The following DNAH5 variants were observed in gnomAD, a reference collection of about 807,000 sequenced individuals.
DNAH5 encodes the protein axonemal beta dynein heavy chain 5.
In DNAH5, 372 loss-of-function variants were observed where a neutral mutation model predicts 518.2. That is an observed-to-expected ratio of 0.72 (90% CI 0.66 to 0.78). The LOEUF (loss-of-function observed/expected upper bound fraction) is 0.78. DNAH5 is among the 30% of genes least tolerant of loss of function. DNAH5 has a pLI of 0.00. For missense variants in DNAH5, 5,523 were observed against 5,687.0 expected (o/e 0.97, Z 0.93); for synonymous variants, 2,039 against 2,025.9 (o/e 1.01, Z -0.17).
chr5:13,964,994 C>T (rs1429804152), intron 1 of DNAH5, among the ~76,000 whole-genome samples: 1 of 152,156 alleles, frequency 6.6e-6, no homozygotes, highest in African/African-American at 2.4e-5. Context: ...ATCCCTCCAC[C>T]TCGTCCACTG....
Position 13,774,473 on chromosome 5 carries a change from G to A in DNAH5, c.9373+1966C>T, listed in dbSNP as rs114318321. Among the ~76,000 whole-genome samples the A allele has an allele frequency of 2.3e-3, 353 of 152,166 alleles. 2 individuals are homozygous for A. The highest frequency in any genetic ancestry group is 3.9e-3 in the Non-Finnish European group (268 of 67,982). On this transcript the variant is annotated intron_variant, in intron 55 of 78. Coordinates refer to ENST00000265104, the MANE Select transcript of DNAH5 (RefSeq NM_001369.3). ...TTCAAGCCAGGAGACAGACTAGACC[G>A]GAGAAAAAATTGATGGCACGTATTA...
intron 56 of DNAH5, 52 bp downstream of exon 56, chr5:13,770,696 CT>C (rs772364807): frequency 4.5e-5 from 69 of 1,536,344 alleles, no homozygotes; most frequent in Non-Finnish European, 6.1e-5. Flanking sequence ...AAATCTGTCC[CT>C]GGTTGAGAGC....
At chr5:13,761,592 CA>C (rs34662456) in intron 60 of DNAH5, among the ~76,000 whole-genome samples, 44 of 135,088 alleles carry the variant, frequency 3.3e-4, no homozygotes, top group Admixed American at 4.5e-4. Context: ...GACTCCGTCT[CA>C]AAAAAAAAAA....
chr5:13,974,773 T>A (rs1484701036), intron 1 of DNAH5, among the ~76,000 whole-genome samples: 1 of 152,146 alleles, frequency 6.6e-6, no homozygotes, highest in East Asian at 1.9e-4. Context: ...CAGGCCTCAA[T>A]GAGCATCTTT....
intron 1 of DNAH5, among the ~76,000 whole-genome samples, chr5:13,965,334 T>C (rs925958639): frequency 6.6e-6 from 1 of 152,202 alleles, no homozygotes; most frequent in Non-Finnish European, 1.5e-5. Context: ...AATTATTGCA[T>C]GTAAACTGAG....
intron 1 of DNAH5, among the ~76,000 whole-genome samples, chr5:13,979,075 C>G (rs1782484606): frequency 6.6e-6 from 1 of 152,110 alleles, no homozygotes; most frequent in Non-Finnish European, 1.5e-5. Context: ...GTTCCTTCCC[C>G]CTGCTGGTCT....
chr5:13,835,896 C>T (rs1410781079), intron 35 of DNAH5, among the ~76,000 whole-genome samples: 1 of 152,130 alleles, frequency 6.6e-6, no homozygotes, highest in Non-Finnish European at 1.5e-5. Flanking sequence ...TTCCTCCAGT[C>T]ATCGGAGCCA....
At chr5:13,898,498 C>T (rs946926787) in intron 15 of DNAH5, 11 of 398,400 alleles carry the variant, frequency 2.8e-5, no homozygotes, top group Non-Finnish European at 4.9e-5. Flanking sequence ...ATTGCCAATA[C>T]AACTTTTTAA....
chr5:13,932,703 A>C (rs1778537692), intron 1 of DNAH5, among the ~76,000 whole-genome samples: 1 of 152,216 alleles, frequency 6.6e-6, no homozygotes, highest in African/African-American at 2.4e-5. Flanking sequence ...TTCTGGCAGC[A>C]GTGTGGAAAG....
At chr5:13,824,163 C>T (rs938950167) in intron 39 of DNAH5, 36 bp downstream of exon 39, 5 of 1,608,784 alleles carry the variant, frequency 3.1e-6, no homozygotes, top group Admixed American at 3.3e-5. Flanking sequence ...TAACTGATAT[C>T]CAAGTAGGTG....
chr5:13,937,056 T>C (rs1261062908), intron 1 of DNAH5, among the ~76,000 whole-genome samples: 1 of 151,830 alleles, frequency 6.6e-6, no homozygotes, highest in Non-Finnish European at 1.5e-5. Flanking sequence ...CGTTATTATC[T>C]CCACACCAGG....
chr5:13,690,674 C>A lies in DNAH5; in HGVS notation c.*1310G>T, dbSNP rs1212861886. ...GAGCTAACCAAAAGTTTATAAACCACAATTCTAATTTAGTACTGACTATAT... is the reference window on the plus strand; with the variant it reads ...GAGCTAACCAAAAGTTTATAAACCAAAATTCTAATTTAGTACTGACTATAT... On this transcript the variant is annotated 3_prime_UTR_variant, in exon 79 of 79. Transcript: ENST00000265104. The A allele has an allele frequency of 1.3e-5, 2 of 152,136 alleles. No homozygotes were observed. The highest frequency in any genetic ancestry group is 2.9e-5 in the Non-Finnish European group (2 of 68,032). 9.4% of individuals were successfully genotyped at this position (152,136 alleles called of 1,614,324 possible).
At position 13,734,413 on chromosome 5, in the gene DNAH5, T is replaced by C. The variant is rs559206591; in HGVS notation, c.11761+718A>G. ...ATTCAAGAATGTGATAGTGAATTTA[T>C]GTTTTCCAGCCTTCCGCTGGGCTGT... On this transcript the variant is annotated intron_variant, in intron 68 of 78. Coordinates refer to ENST00000265104, the MANE Select transcript of DNAH5 (RefSeq NM_001369.3). 4.6e-5 allele frequency among the ~76,000 whole-genome samples: 7 copies of C among 151,714 alleles called. No individual in the cohort carries two copies. In the East Asian group the frequency reaches 7.7e-4, roughly 17 times the overall value.
chr5:13,798,689 A>C (rs1758213037), intron 47 of DNAH5, among the ~76,000 whole-genome samples: 1 of 151,880 alleles, frequency 6.6e-6, no homozygotes, highest in Admixed American at 6.6e-5. Flanking sequence ...ACTGTCCTTG[A>C]GAATCTTCAC....
At chr5:13,879,308 C>T (rs545696417) in intron 21 of DNAH5, among the ~76,000 whole-genome samples, 2 of 152,296 alleles carry the variant, frequency 1.3e-5, no homozygotes, top group South Asian at 4.1e-4. Context: ...TGCTCCTTGA[C>T]CTATGATGAA....
intron 11 of DNAH5, among the ~76,000 whole-genome samples, chr5:13,911,716 T>C (rs1776019639): frequency 6.6e-6 from 1 of 152,196 alleles, no homozygotes; most frequent in East Asian, 1.9e-4. Flanking sequence ...ATTTTCATGA[T>C]GTTTTATGTA....
intron 78 of DNAH5, among the ~76,000 whole-genome samples, chr5:13,700,373 T>C (rs1354411034): frequency 6.6e-6 from 1 of 152,196 alleles, no homozygotes; most frequent in Non-Finnish European, 1.5e-5. Context: ...CTTTCTTATC[T>C]CATCAGCTAA....
At chr5:13,798,543 T>C (rs1758189620) in intron 47 of DNAH5, among the ~76,000 whole-genome samples, 1 of 152,106 alleles carries the variant, frequency 6.6e-6, no homozygotes, top group African/African-American at 2.4e-5. Flanking sequence ...AAAGATAAAA[T>C]AAATTCTCCT....
intron 1 of DNAH5, among the ~76,000 whole-genome samples, chr5:14,001,406 C>A (rs555431614): frequency 6.6e-6 from 1 of 152,300 alleles, no homozygotes; most frequent in South Asian, 2.1e-4. Flanking sequence ...CTCTGTCGTC[C>A]AGACTGGAGT....
Sources: allele counts gnomAD v4.1 joint callset (sites outside exome capture counted in the v4.1 genomes callset), GRCh38; gene constraint gnomAD v4.1.1; transcripts MANE v1.5; gene names NCBI Gene and HGNC (gene_info 2026-07-23, HGNC 2026-07-21).